GUF1: variants seen among roughly 807,000 people sequenced by gnomAD.
The protein encoded by GUF1 is translation factor GUF1, mitochondrial.
A neutral mutation model predicts 82.4 loss-of-function variants in GUF1; 78 were observed. That is an observed-to-expected ratio of 0.95 (90% CI 0.79 to 1.14). GUF1 has a LOEUF of 1.14. GUF1 is among the 50% of genes most tolerant of loss of function. The probability of loss-of-function intolerance (pLI) is 0.00; values close to 1 mark genes in which losing one functional copy is unlikely to be tolerated. For missense variants in GUF1, 814 were observed against 798.2 expected, an observed-to-expected ratio of 1.02 and a Z score of -0.24; for synonymous variants, 279 against 282.3, an observed-to-expected ratio of 0.99 and a Z score of 0.12.
At position 44,686,024 on chromosome 4, in the gene GUF1, G is replaced by A. The variant is rs141526764; in HGVS notation, c.734+1G>A. The stretch of plus-strand genomic sequence containing the variant: ...AGGCAATTATTGAAAGAATCCCCCC[G>A]TGAGTATTTGGTGATTTTTGTACTA... On this transcript the variant is annotated splice_donor_variant, in intron 7 of 16. Coordinates refer to ENST00000281543, the MANE Select transcript of GUF1 (RefSeq NM_021927.3). LOFTEE classifies it high-confidence loss of function. 3.7e-3 allele frequency: 5,914 copies of A among 1,594,700 alleles called. 314 individuals are homozygous for A. The Admixed American group carries it at 0.088, about 24-fold the overall frequency.
chr4:44,678,955 C>T (rs1005055209), intron 1 of GUF1, among the ~76,000 whole-genome samples, 168 bp downstream of exon 1: 1 of 152,198 alleles, frequency 6.6e-6, no homozygotes, highest in Non-Finnish European at 1.5e-5. Flanking sequence ...CCCGACCCTC[C>T]ACTCCTCACT....
rs553685058 is a variant in GUF1, at chr4:44,699,375, G to C, written c.*694G>C. 1 of 152,092 alleles carries C rather than the reference G, an allele frequency of 6.6e-6. No homozygotes were observed. The highest frequency in any genetic ancestry group is 6.6e-5 in the Admixed American group (1 of 15,260). 9.4% of individuals were successfully genotyped at this position (152,092 alleles called of 1,614,324 possible). On this transcript the variant is annotated 3_prime_UTR_variant, in exon 17 of 17. Transcript: ENST00000281543. ...TTTTTTGTATCTTTAGTAGAGTCGG[G>C]GTTTCACCATGTTGGCCAGGCTGGT... is the stretch of plus-strand genomic sequence containing the variant.
chr4:44,688,244 T>A, intron 9 of GUF1, 98 bp downstream of exon 9: 5 of 1,147,406 alleles, frequency 4.4e-6, no homozygotes, highest in South Asian at 1.5e-5. Context: ...CTGGTTATTT[T>A]AAATAACCAC....
chr4:44,688,390 T>C (rs377478158), intron 9 of GUF1, among the ~76,000 whole-genome samples: 18 of 151,918 alleles, frequency 1.2e-4, no homozygotes, highest in African/African-American at 4.3e-4. Context: ...ATATATAGGA[T>C]ACAGTAATAT....
At chr4:44,685,902 A>G in intron 6 of GUF1, 57 bp from the exon 7 acceptor site, 1 of 1,195,152 alleles carries the variant, frequency 8.4e-7, no homozygotes, top group Non-Finnish European at 1.2e-6. Context: ...GGTCATCAAG[A>G]TAGAAAAGTA....
intron 9 of GUF1, 113 bp from the exon 10 acceptor site, chr4:44,689,173 A>G (rs1243668596): frequency 1.1e-6 from 1 of 935,416 alleles, no homozygotes; most frequent in Non-Finnish European, 1.4e-6. Context: ...AAAATACAAG[A>G]AAGTAATTTA....
chr4:44,695,426 T>C (rs1476836879), intron 14 of GUF1, among the ~76,000 whole-genome samples, 189 bp from the exon 15 acceptor site: 4 of 152,242 alleles, frequency 2.6e-5, no homozygotes, highest in Admixed American at 6.5e-5. Context: ...CTAAATATTC[T>C]GTAATCATAC....
At chr4:44,697,324 A>G (rs1260773980) in intron 15 of GUF1, 84 bp from the exon 16 acceptor site, 2 of 751,004 alleles carry the variant, frequency 2.7e-6, no homozygotes, top group African/African-American at 3.6e-5. Flanking sequence ...ATTTTCTAGT[A>G]AAGGGGAGAT....
At chr4:44,693,541 ATCTG>A (rs1311131296) in intron 13 of GUF1, among the ~76,000 whole-genome samples, 1 of 152,052 alleles carries the variant, frequency 6.6e-6, no homozygotes, top group Non-Finnish European at 1.5e-5. Flanking sequence ...TCTGAAAATA[ATCTG>A]TTAATAGAGT....
At chr4:44,681,906 A>G (rs948827158) in intron 4 of GUF1, among the ~76,000 whole-genome samples, 3 of 152,146 alleles carry the variant, frequency 2.0e-5, no homozygotes, top group African/African-American at 4.8e-5. Flanking sequence ...TTGAGAGTCC[A>G]TGTTACATCT....
rs1714822533 is a variant in GUF1 at position 44,682,404 on chromosome 4, T to C, written c.578T>C (p.Ile193Thr). ...GCACAGCTATCGGTAATTCCAGTTA[T>C]AAATAAGGTAATTACAATGAGACAA... ...FEAQLSVIPV[I>T]NKIDLKNADP... The change falls in exon 5 of 17, where the codon ATA (isoleucine) becomes ACA (threonine). Residue 193 changes from isoleucine to threonine, a missense_variant. Physicochemically the swap from Ile to Thr is moderately conservative, Grantham distance 89 (BLOSUM62 -1). Transcript: ENST00000281543. 2.0e-6 allele frequency: 3 copies of C among 1,501,342 alleles called. No individual in the cohort carries two copies. Among genetic ancestry groups the C allele is most frequent in the South Asian group, 1.3e-5 (1 of 74,796 alleles). The allele number at this position is 1,501,342 out of a possible 1,614,324, so 93.0% of individuals were successfully genotyped here. A position where few individuals can be genotyped will look rare whatever the true frequency, so the allele number is the denominator to read the frequency against.
At chr4:44,691,941 T>C (rs767437319) in intron 13 of GUF1, 142 bp downstream of exon 13, 1 of 609,516 alleles carries the variant, frequency 1.6e-6, no homozygotes, top group Non-Finnish European at 2.7e-6. Flanking sequence ...TTAGAATGAC[T>C]TGGAACAACT....
intron 5 of GUF1, 42 bp downstream of exon 5, chr4:44,682,453 A>C (rs370136580): frequency 1.9e-6 from 2 of 1,038,274 alleles, no homozygotes; most frequent in East Asian, 2.8e-5. Context: ...TCACTTTCTA[A>C]AAGTACAATT....
intron 8 of GUF1, 142 bp downstream of exon 8, chr4:44,686,855 T>C: frequency 1.6e-6 from 1 of 607,812 alleles, no homozygotes; most frequent in South Asian, 2.0e-5. Flanking sequence ...GTAAATGCTC[T>C]GTCAAGGAAT....
intron 9 of GUF1, among the ~76,000 whole-genome samples, chr4:44,688,604 C>A (rs1241945170): frequency 1.3e-5 from 2 of 151,802 alleles, no homozygotes; most frequent in Non-Finnish European, 2.9e-5. Flanking sequence ...TCTTTTACTT[C>A]ATTTACTTTG....
At chr4:44,680,620 T>G in intron 2 of GUF1, 68 bp downstream of exon 2, 1 of 1,433,358 alleles carries the variant, frequency 7.0e-7, no homozygotes, top group East Asian at 2.5e-5. Flanking sequence ...TACTCTTAAA[T>G]TTTAATTTTA....
rs947564683 is a variant in GUF1, at chr4:44,700,560, T to G, written c.*1879T>G. 3.9e-5 allele frequency: 6 copies of G among 152,212 alleles called. No homozygotes were observed. Among genetic ancestry groups the G allele is most frequent in the Admixed American group, 6.5e-5 (1 of 15,288 alleles). 9.4% of individuals were successfully genotyped at this position (152,212 alleles called of 1,614,324 possible). On this transcript the variant is annotated 3_prime_UTR_variant, in exon 17 of 17. Coordinates refer to ENST00000281543, the MANE Select transcript of GUF1 (RefSeq NM_021927.3). ...TACACATACTGATTGATGTCTCATG[T>G]CTCTCTAAAATGTGTAAAACCAAGC...
intron 15 of GUF1, among the ~76,000 whole-genome samples, chr4:44,696,083 AG>A (rs201235750): frequency 2.8e-5 from 3 of 105,362 alleles, no homozygotes; most frequent in Admixed American, 1.8e-4. Context: ...TGAAACTAAA[AG>A]GTTTTGTCTT....
At chr4:44,681,077 A>G (rs1309072956) in intron 3 of GUF1, 46 bp from the exon 4 acceptor site, 10 of 1,506,788 alleles carry the variant, frequency 6.6e-6, no homozygotes, top group Admixed American at 5.1e-5. Context: ...GCTCTTTCCT[A>G]AAAAATTAAC....
Sources: allele counts gnomAD v4.1 joint callset (sites outside exome capture counted in the v4.1 genomes callset), GRCh38; gene constraint gnomAD v4.1.1; transcripts MANE v1.5; gene names NCBI Gene and HGNC (gene_info 2026-07-23, HGNC 2026-07-21).